UNC13C: variants seen among roughly 807,000 people sequenced by gnomAD.
UNC13C encodes the protein protein unc-13 homolog C.
Under a neutral mutation model 245.4 loss-of-function variants are expected in UNC13C, and 174 were observed. The observed-to-expected ratio is 0.71, with a 90% confidence interval of 0.63 to 0.80. The LOEUF is 0.80. Ranked by LOEUF, UNC13C falls within the 30% of genes least tolerant of loss-of-function variation. The pLI, the probability that UNC13C is intolerant of heterozygous loss-of-function variation, is 0.00. For synonymous variants in UNC13C, 992 were observed against 895.1 expected, an observed-to-expected ratio of 1.11 and a Z score of -1.93; for missense variants, 2,829 against 2,602.9, an observed-to-expected ratio of 1.09 and a Z score of -1.89.
chr15:54,181,816 T>C (rs75248853), intron 4 of UNC13C, among the ~76,000 whole-genome samples: 5,426 of 152,058 alleles, frequency 0.036, 283 homozygotes, highest in East Asian at 0.11. Context: ...ATTGCACTCT[T>C]GATTTGGCTC....
intron 18 of UNC13C, among the ~76,000 whole-genome samples, chr15:54,413,181 T>C (rs989708986): frequency 1.3e-4 from 20 of 152,246 alleles, no homozygotes; most frequent in African/African-American, 4.3e-4. Flanking sequence ...GTATTTTTTG[T>C]TGAAGATTTT....
At chr15:54,042,853 AGAAAAG>A (rs1190148749) in intron 2 of UNC13C, among the ~76,000 whole-genome samples, 200 of 149,022 alleles carry the variant, frequency 1.3e-3, no homozygotes, top group African/African-American at 4.7e-3. Context: ...ACTCTGTCTC[AGAAAAG>A]AAAAAGAAAA....
chr15:54,439,171 C>G (rs1045748024), intron 19 of UNC13C, among the ~76,000 whole-genome samples: 1 of 151,956 alleles, frequency 6.6e-6, no homozygotes, highest in Non-Finnish European at 1.5e-5. Flanking sequence ...ATCTCTGTTA[C>G]ATGGAATAGT....
At chr15:54,368,205 G>C (rs1475191639) in intron 17 of UNC13C, among the ~76,000 whole-genome samples, 8 of 150,814 alleles carry the variant, frequency 5.3e-5, no homozygotes, top group Non-Finnish European at 8.8e-5. Flanking sequence ...AACCACAGAT[G>C]GCACTGAGAT....
chr15:54,126,680 G>A (rs1334586588), intron 2 of UNC13C, among the ~76,000 whole-genome samples: 8 of 152,024 alleles, frequency 5.3e-5, no homozygotes, highest in African/African-American at 1.7e-4. Context: ...CACCAAAAGC[G>A]ATGGCAACAA....
chr15:54,528,287 C>T (rs1566889750), intron 25 of UNC13C, among the ~76,000 whole-genome samples: 1 of 150,096 alleles, frequency 6.7e-6, no homozygotes, highest in Non-Finnish European at 1.5e-5. Context: ...TCTGCTTACA[C>T]ATGTTTTGCA....
chr15:54,621,750 C>T (rs540484719), intron 30 of UNC13C, among the ~76,000 whole-genome samples: 8 of 152,096 alleles, frequency 5.3e-5, no homozygotes, highest in Non-Finnish European at 1.2e-4. Context: ...TTATCTGAAC[C>T]GAAATCACAG....
the UNC13C span, among the ~76,000 whole-genome samples, chr15:53,961,625 A>C: frequency 1.3e-5 from 2 of 152,238 alleles, no homozygotes; most frequent in Non-Finnish European, 1.5e-5. Context: ...TAAAACAGAA[A>C]AAATGAGGTT....
chr15:53,966,684 T>A, the UNC13C span, among the ~76,000 whole-genome samples: 1 of 152,146 alleles, frequency 6.6e-6, no homozygotes, highest in African/African-American at 2.4e-5. Flanking sequence ...AATAATTTAC[T>A]AGAGTATATC....
intron 11 of UNC13C, among the ~76,000 whole-genome samples, chr15:54,295,689 A>AAAAC (rs1384579132): frequency 4.0e-5 from 6 of 151,822 alleles, no homozygotes; most frequent in African/African-American, 1.5e-4. Flanking sequence ...ACAAAAAGAA[A>AAAAC]AACCATGTAC....
intron 2 of UNC13C, among the ~76,000 whole-genome samples, chr15:54,038,095 TATAC>T (rs1473734703): frequency 1.1e-5 from 1 of 89,374 alleles, no homozygotes; most frequent in Non-Finnish European, 2.1e-5. Flanking sequence ...TGTATATACA[TATAC>T]ATATATATAT....
At chr15:54,011,832 A>G (rs1320981706) in intron 1 of UNC13C, among the ~76,000 whole-genome samples, 1 of 152,192 alleles carries the variant, frequency 6.6e-6, no homozygotes, top group African/African-American at 2.4e-5. Flanking sequence ...AGCCTGATTG[A>G]AATGCAACTG....
At chr15:54,561,968 G>T (rs951353877) in intron 29 of UNC13C, among the ~76,000 whole-genome samples, 1 of 151,856 alleles carries the variant, frequency 6.6e-6, no homozygotes, top group African/African-American at 2.4e-5. Flanking sequence ...AGCCCAAAAT[G>T]CCTCAGAGAT....
At chr15:54,204,439 G>A (rs907728289) in intron 4 of UNC13C, among the ~76,000 whole-genome samples, 11 of 151,714 alleles carry the variant, frequency 7.3e-5, no homozygotes, top group Non-Finnish European at 1.3e-4. Flanking sequence ...CTAGATTGTG[G>A]TTGATATTTA....
rs72746009 is a variant in UNC13C, at chr15:54,148,476, G to C, written c.3071+4792G>C. ...AATTTTCTGTCACAGTACTGACATT[G>C]CTTTTTTATTTGTCTATAAAGTTGA... On this transcript the variant is annotated intron_variant, in intron 4 of 32. Transcript: ENST00000260323. 7.7e-3 allele frequency among the ~76,000 whole-genome samples: 1,179 copies of C among 152,242 alleles called. 10 individuals are homozygous for C. Among genetic ancestry groups the C allele is most frequent in the Non-Finnish European group, 0.013 (888 of 68,006 alleles).
chr15:54,266,859 C>G (rs1161135192), intron 10 of UNC13C, among the ~76,000 whole-genome samples: 1 of 151,998 alleles, frequency 6.6e-6, no homozygotes, highest in East Asian at 1.9e-4. Context: ...CTATAGGATA[C>G]TTTTCATTTT....
In UNC13C at chr15:54,622,240, C is replaced by A. The variant is rs557759754; in HGVS notation, c.6107-87C>A. The A allele has an allele frequency of 2.3e-4, 199 of 883,324 alleles. No homozygotes were observed. The African/African-American group carries it at 2.3e-3, about 10-fold the overall frequency. The allele number at this position is 883,324 out of a possible 1,614,324, so 54.7% of individuals were successfully genotyped here. On this transcript the variant is annotated intron_variant, in intron 30 of 32. Transcript: ENST00000260323. ...AAAGAACTATTCATTTCCAATAATA[C>A]ATTTTATGTTTTTTATGCATAGAAT...
chr15:54,611,108 G>T (rs981510212), intron 30 of UNC13C, among the ~76,000 whole-genome samples: 10 of 152,176 alleles, frequency 6.6e-5, no homozygotes, highest in Admixed American at 5.9e-4. Context: ...AGCTACAAGT[G>T]GCCATCAGTA....
chr15:53,859,934 A>AT, the UNC13C span, among the ~76,000 whole-genome samples: 5 of 152,288 alleles, frequency 3.3e-5, no homozygotes, highest in East Asian at 9.6e-4. Flanking sequence ...TAGGGTGAGA[A>AT]ATATCTGCAC....
Sources: gnomAD v4.1 joint callset for allele counts (sites outside exome capture counted in the v4.1 genomes callset) on GRCh38, gnomAD v4.1.1 for gene constraint, MANE v1.5 for transcripts, NCBI Gene and HGNC (gene_info 2026-07-23, HGNC 2026-07-21) for gene names.